Variants in HS3ST4 observed in about 807,000 individuals in gnomAD.
HS3ST4 encodes the protein heparan sulfate-glucosamine 3-sulfotransferase 4.
In HS3ST4, 17 loss-of-function variants were observed where a neutral mutation model predicts 29.2. The observed-to-expected ratio is 0.58, with a 90% CI of 0.40 to 0.87. The LOEUF (loss-of-function observed/expected upper bound fraction) is 0.87. Ranked by LOEUF, HS3ST4 falls within the 40% of genes least tolerant of loss-of-function variation. HS3ST4 has a pLI of 0.00. For missense variants in HS3ST4, 627 were observed against 634.5 expected (o/e 0.99, Z 0.13); for synonymous variants, 314 against 285.7 (o/e 1.10, Z -1.00).
intron 1 of HS3ST4, among the ~76,000 whole-genome samples, chr16:25,762,441 C>T (rs1966794097): frequency 6.6e-6 from 1 of 152,186 alleles, no homozygotes; most frequent in Non-Finnish European, 1.5e-5. Flanking sequence ...TTGTTGACTT[C>T]TGGAGATGCT....
intron 1 of HS3ST4, among the ~76,000 whole-genome samples, chr16:25,967,806 G>A (rs1968858195): frequency 6.6e-6 from 1 of 152,192 alleles, no homozygotes; most frequent in Admixed American, 6.5e-5. Context: ...GTGACTCTGA[G>A]AGTTCCTGTG....
At chr16:25,780,388 G>T (rs1346752966) in intron 1 of HS3ST4, among the ~76,000 whole-genome samples, 7 of 152,128 alleles carry the variant, frequency 4.6e-5, no homozygotes, top group Non-Finnish European at 1.0e-4. Context: ...TGACAATCTT[G>T]TGCCACTGAC....
chr16:25,909,580 A>G (rs1463341327), intron 1 of HS3ST4, among the ~76,000 whole-genome samples: 1 of 152,156 alleles, frequency 6.6e-6, no homozygotes, highest in Admixed American at 6.5e-5. Context: ...GGGAGGAGCT[A>G]GGGAACATAG....
At chr16:25,999,018 A>AT (rs1379821015) in intron 1 of HS3ST4, among the ~76,000 whole-genome samples, 2 of 152,052 alleles carry the variant, frequency 1.3e-5, no homozygotes, top group Admixed American at 6.6e-5. Flanking sequence ...ATCCTTTCTC[A>AT]TTTTTTTGTA....
At chr16:25,850,218 T>C (rs952045172) in intron 1 of HS3ST4, among the ~76,000 whole-genome samples, 1 of 152,072 alleles carries the variant, frequency 6.6e-6, no homozygotes, top group East Asian at 2.0e-4. Flanking sequence ...AGGCTGGTCT[T>C]GAACCCTGAT....
chr16:25,958,911 T>C (rs8050110), intron 1 of HS3ST4, among the ~76,000 whole-genome samples: 76,180 of 152,046 alleles, frequency 0.5, 19,601 homozygotes, highest in African/African-American at 0.61. Flanking sequence ...AAATGTGTGA[T>C]CACTGACATC....
At chr16:25,888,454 C>T (rs781597112) in intron 1 of HS3ST4, among the ~76,000 whole-genome samples, 4 of 152,150 alleles carry the variant, frequency 2.6e-5, no homozygotes, top group Non-Finnish European at 4.4e-5. Flanking sequence ...ATCCTTTCTC[C>T]GCAGTCACCC....
At chr16:25,970,843 T>C (rs55666533) in intron 1 of HS3ST4, among the ~76,000 whole-genome samples, 13,297 of 152,130 alleles carry the variant, frequency 0.087, 770 homozygotes, top group Non-Finnish European at 0.12. Context: ...ACACCTTTTG[T>C]ACAAGCATCC....
At chr16:25,842,474 C>T (rs369555768) in intron 1 of HS3ST4, among the ~76,000 whole-genome samples, 7 of 152,154 alleles carry the variant, frequency 4.6e-5, no homozygotes, top group Admixed American at 2.0e-4. Context: ...CTTTAGCCCA[C>T]GGACTGTGAT....
chr16:25,870,903 G>A (rs1400147908), intron 1 of HS3ST4, among the ~76,000 whole-genome samples: 2 of 152,292 alleles, frequency 1.3e-5, no homozygotes, highest in South Asian at 2.1e-4. Context: ...ACATGAGAGA[G>A]ATGATGCCTG....
intron 1 of HS3ST4, among the ~76,000 whole-genome samples, chr16:26,030,008 G>A (rs1299808774): frequency 6.6e-6 from 1 of 152,220 alleles, no homozygotes; most frequent in African/African-American, 2.4e-5. Flanking sequence ...TTCGCTCTTT[G>A]TGAGAGCAAG....
chr16:26,000,417 CTTGAGAG>C (rs1969202591), intron 1 of HS3ST4, among the ~76,000 whole-genome samples: 1 of 152,114 alleles, frequency 6.6e-6, no homozygotes, highest in South Asian at 2.1e-4. Flanking sequence ...AGTGATATAT[CTTGAGAG>C]GACCAAAGAA....
chr16:26,004,290 G>C (rs1969237772), intron 1 of HS3ST4, among the ~76,000 whole-genome samples: 1 of 152,138 alleles, frequency 6.6e-6, no homozygotes. Flanking sequence ...TGAGCAACAG[G>C]TACACTTTTT....
intron 1 of HS3ST4, among the ~76,000 whole-genome samples, chr16:26,111,968 G>A (rs1899135742): frequency 6.7e-6 from 1 of 148,746 alleles, no homozygotes; most frequent in Non-Finnish European, 1.5e-5. Context: ...AGCAAGCCAA[G>A]ATCATGCCAC....
chr16:25,839,990 T>G (rs1967397048), intron 1 of HS3ST4, among the ~76,000 whole-genome samples: 1 of 152,208 alleles, frequency 6.6e-6, no homozygotes, highest in African/African-American at 2.4e-5. Flanking sequence ...ATGAAATATT[T>G]GTATTAGAAG....
At chr16:25,816,114 G>C (rs1967090562) in intron 1 of HS3ST4, among the ~76,000 whole-genome samples, 1 of 152,114 alleles carries the variant, frequency 6.6e-6, no homozygotes, top group Non-Finnish European at 1.5e-5. Flanking sequence ...TGAAGTACTT[G>C]GTCATGATTT....
chr16:25,941,405 C>T (rs766226511), intron 1 of HS3ST4, among the ~76,000 whole-genome samples: 2 of 147,836 alleles, frequency 1.4e-5, no homozygotes, highest in Non-Finnish European at 3.0e-5. Flanking sequence ...TGATCTGCCC[C>T]ACCTTGGCCA....
chr16:25,708,908 A>G (rs1429423139), intron 1 of HS3ST4, among the ~76,000 whole-genome samples: 1 of 152,180 alleles, frequency 6.6e-6, no homozygotes, highest in Non-Finnish European at 1.5e-5. Context: ...ATGTTAGAAC[A>G]TCTTTAAGGA....
At chr16:25,757,778 G>A (rs752384294) in intron 1 of HS3ST4, among the ~76,000 whole-genome samples, 37 of 151,806 alleles carry the variant, frequency 2.4e-4, no homozygotes, top group Non-Finnish European at 3.2e-4. Context: ...CAAGTATCTC[G>A]TCGGGTGGGG....
Sources: gnomAD v4.1 joint callset for allele counts (sites outside exome capture counted in the v4.1 genomes callset) on GRCh38, gnomAD v4.1.1 for gene constraint, MANE v1.5 for transcripts, NCBI Gene and HGNC (gene_info 2026-07-23, HGNC 2026-07-21) for gene names.